Variants in KRTAP13-2 observed in about 807,000 individuals in gnomAD.
The protein encoded by KRTAP13-2 is keratin associated protein 13-2, also known as keratin-associated protein 13-2.
For synonymous variants in KRTAP13-2, 92 were observed against 87.4 expected, an observed-to-expected ratio of 1.05 and a Z score of -0.30; for missense variants, 231 against 212.4, an observed-to-expected ratio of 1.09 and a Z score of -0.55.
Position 30,371,894 on chromosome 21 carries a change from C to G in KRTAP13-2, c.320G>C (p.Cys107Ser). 6.2e-7 allele frequency: 1 copy of G among 1,614,202 alleles called. No homozygotes were observed. The change falls in exon 1 of 1, where the codon TGC becomes TCC. Residue 107 changes from cysteine (C) to serine (S), a missense_variant. By Grantham distance (112) the Cys-to-Ser change is moderately radical. Coordinates refer to ENST00000399889, the MANE Select transcript of KRTAP13-2 (RefSeq NM_181621.4). The part of the protein sequence containing the change: ...SGSLGFGSSS[C>S]RSLGYGSRSC... ...CCTCGATCCATAGCCCAGGGAGCGG[C>G]AGCTGCTGGATCCAAAGCCTAGAGA...
rs200096487 is a variant in KRTAP13-2, at chr21:30,371,960, G to C, written c.254C>G (p.Thr85Ser). ...PCQTSCYRPRTSLLCSPCKTT... is the reference protein window; with the variant it reads ...PCQTSCYRPRSSLLCSPCKTT... Reference sequence around the variant, plus strand: ...CTTGCAAGGACTGCAGAGCAAGGAGGTTCTGGGGCGGTAGCAGGAGGTCTG... The same window carrying C: ...CTTGCAAGGACTGCAGAGCAAGGAGCTTCTGGGGCGGTAGCAGGAGGTCTG... The change falls in exon 1 of 1, where the codon ACC becomes AGC. Residue 85 changes from threonine to serine, a missense_variant. Physicochemically the swap from Thr to Ser is moderately conservative, Grantham distance 58 (BLOSUM62 1). Coordinates refer to ENST00000399889, the MANE Select transcript of KRTAP13-2 (RefSeq NM_181621.4). 2.5e-6 allele frequency: 4 copies of C among 1,614,184 alleles called. No individual in the cohort carries two copies. The Admixed American group carries it at 6.7e-5, about 27-fold the overall frequency.
Position 30,372,145 on chromosome 21 carries a change from T to A in KRTAP13-2, c.69A>T (p.Ala23=). The change falls in exon 1 of 1, where the codon GCA becomes GCT. Residue 23 remains alanine, a synonymous_variant. Coordinates refer to ENST00000399889, the MANE Select transcript of KRTAP13-2 (RefSeq NM_181621.4). ...RSCGDYLRYP[A]SSRGFSYPSN... is the part of the protein sequence containing the mutation. Reference sequence around the variant, plus strand: ...TGGGGTAGGAAAAGCCACGTGAGGATGCTGGGTAGCGCAGGTAGTCACCAC... The same window carrying A: ...TGGGGTAGGAAAAGCCACGTGAGGAAGCTGGGTAGCGCAGGTAGTCACCAC... 6.2e-7 allele frequency: 1 copy of A among 1,614,186 alleles called. No homozygotes were observed. The highest frequency in any genetic ancestry group is 8.5e-7 in the Non-Finnish European group (1 of 1,180,026).
Position 30,371,781 on chromosome 21 carries a change from C to T in KRTAP13-2, c.433G>A (p.Gly145Arg), listed in dbSNP as rs1228452988. Residue 145 changes from glycine to arginine, a missense_variant, in exon 1 of 1, where the codon GGA (glycine) becomes AGA (arginine). By Grantham distance (125) the Gly-to-Arg change is moderately radical (BLOSUM62 -2). Transcript: ENST00000399889. ...CGFPSLGYGS[G>R]FCRPTYLASR... ...GCCAAGTAGGTTGGGCGGCAGAATCCAGATCCATAGCCGAGGGAAGGGAAG... is the reference window on the plus strand; with the variant it reads ...GCCAAGTAGGTTGGGCGGCAGAATCTAGATCCATAGCCGAGGGAAGGGAAG... The T allele has an allele frequency of 6.2e-7, 1 of 1,614,024 alleles. No individual in the cohort carries two copies. The highest frequency in any genetic ancestry group is 1.3e-5 in the African/African-American group (1 of 74,906).
Position 30,371,605 on chromosome 21 carries a change from G to T in KRTAP13-2, c.*81C>A. ...AGGATGAAGAGCTAGTAGTAAGAGG[G>T]GTTAGCTCACATTGCTGGAAATGCC... On this transcript the variant is annotated 3_prime_UTR_variant, in exon 1 of 1. Coordinates refer to ENST00000399889, the MANE Select transcript of KRTAP13-2 (RefSeq NM_181621.4). 7.5e-7 allele frequency: 1 copy of T among 1,325,350 alleles called. No individual in the cohort carries two copies. Among genetic ancestry groups the T allele is most frequent in the Non-Finnish European group, 1.1e-6 (1 of 948,138 alleles). 82.1% of individuals were successfully genotyped at this position (1,325,350 alleles called of 1,614,324 possible). A position where few individuals can be genotyped will look rare whatever the true frequency, so the allele number is the denominator to read the frequency against.
rs560228373 is a variant in KRTAP13-2 at position 30,372,214 on chromosome 21, G to A, written c.-1C>T. 8.1e-6 allele frequency: 13 copies of A among 1,608,774 alleles called. No individual in the cohort carries two copies. Among genetic ancestry groups the A allele is most frequent in the African/African-American group, 2.7e-5 (2 of 74,846 alleles). On this transcript the variant is annotated 5_prime_UTR_variant, in exon 1 of 1. Transcript: ENST00000399889. ...TTCCAGAGCAGCAGTTGTAGGACAT[G>A]TTGACGGGAGATGTGAGTTCAGCTG...
Position 30,372,220 on chromosome 21 carries a change from G to T in KRTAP13-2, c.-7C>A, listed in dbSNP as rs758839936. The T allele has an allele frequency of 6.2e-7, 1 of 1,607,014 alleles. No individual in the cohort carries two copies. Among genetic ancestry groups the T allele is most frequent in the Non-Finnish European group, 8.5e-7 (1 of 1,175,482 alleles). ...AGCAGCAGTTGTAGGACATGTTGAC[G>T]GGAGATGTGAGTTCAGCTGAGTTAT... On this transcript the variant is annotated 5_prime_UTR_variant, in exon 1 of 1. Transcript: ENST00000399889.
Position 30,371,673 on chromosome 21 carries a change from A to G in KRTAP13-2, c.*13T>C, listed in dbSNP as rs753883594. 18 of 1,609,468 alleles carry G rather than the reference A, an allele frequency of 1.1e-5. No individual in the cohort carries two copies. Among genetic ancestry groups the G allele is most frequent in the Non-Finnish European group, 1.4e-5 (17 of 1,177,420 alleles). ...GTAGAGACTGAGACACTTTGCTTAA[A>G]AGGTCTGGAAATTCAGCAAGTTGAT... is the stretch of plus-strand genomic sequence containing the variant. On this transcript the variant is annotated 3_prime_UTR_variant, in exon 1 of 1. Coordinates refer to ENST00000399889, the MANE Select transcript of KRTAP13-2 (RefSeq NM_181621.4).
chr21:30,371,900 C>T lies in KRTAP13-2; in HGVS notation c.314G>A (p.Ser105Asn). Residue 105 changes from serine to asparagine, a missense_variant, in exon 1 of 1, where the codon AGC becomes AAC. Physicochemically the swap from Ser to Asn is conservative, Grantham distance 46 (BLOSUM62 1). Coordinates refer to ENST00000399889, the MANE Select transcript of KRTAP13-2 (RefSeq NM_181621.4). ...TYSGSLGFGS[S>N]SCRSLGYGSR... is the part of the protein sequence containing the mutation. ...TCCATAGCCCAGGGAGCGGCAGCTG[C>T]TGGATCCAAAGCCTAGAGACCCAGA... 2.5e-6 allele frequency: 4 copies of T among 1,614,194 alleles called. No individual in the cohort carries two copies. The highest frequency in any genetic ancestry group is 1.1e-5 in the South Asian group (1 of 91,090).
rs748544791 is a variant in KRTAP13-2 at position 30,371,905 on chromosome 21, T to C, written c.309A>G (p.Gly103=). 1.9e-6 allele frequency: 3 copies of C among 1,613,980 alleles called. No individual in the cohort carries two copies. Among genetic ancestry groups the C allele is most frequent in the Admixed American group, 3.3e-5 (2 of 60,002 alleles). The change falls in exon 1 of 1, where the codon GGA becomes GGG. Residue 103 remains glycine, a synonymous_variant. Coordinates refer to ENST00000399889, the MANE Select transcript of KRTAP13-2 (RefSeq NM_181621.4). Reference sequence around the variant, plus strand: ...AGCCCAGGGAGCGGCAGCTGCTGGATCCAAAGCCTAGAGACCCAGAGTAAG... The same window carrying C: ...AGCCCAGGGAGCGGCAGCTGCTGGACCCAAAGCCTAGAGACCCAGAGTAAG... ...KTTYSGSLGF[G]SSSCRSLGYG... is the part of the protein sequence containing the mutation.
Position 30,371,931 on chromosome 21 carries a change from T to A in KRTAP13-2, c.283A>T (p.Thr95Ser), listed in dbSNP as rs749429817. ...CCAAAGCCTAGAGACCCAGAGTAAG[T>A]CGTCTTGCAAGGACTGCAGAGCAAG... is the stretch of plus-strand genomic sequence containing the variant. ...TSLLCSPCKT[T>S]YSGSLGFGSS... is the part of the protein sequence containing the mutation. The change falls in exon 1 of 1, where the codon ACT becomes TCT. Residue 95 changes from threonine to serine, a missense_variant. Thr to Ser is a moderately conservative substitution (Grantham distance 58). Coordinates refer to ENST00000399889, the MANE Select transcript of KRTAP13-2 (RefSeq NM_181621.4). 6.2e-7 allele frequency: 1 copy of A among 1,614,148 alleles called. No homozygotes were observed. Among genetic ancestry groups the A allele is most frequent in the Non-Finnish European group, 8.5e-7 (1 of 1,180,016 alleles).
Position 30,372,195 on chromosome 21 carries a change from A to G in KRTAP13-2, c.19T>C (p.Ser7Pro). 2 of 1,613,478 alleles carry G rather than the reference A, an allele frequency of 1.2e-6. No individual in the cohort carries two copies. Among genetic ancestry groups the G allele is most frequent in the East Asian group, 2.2e-5 (1 of 44,870 alleles). The change falls in exon 1 of 1, where the codon TCT becomes CCT. Residue 7 changes from serine to proline, a missense_variant. By Grantham distance (74) the Ser-to-Pro change is moderately conservative (BLOSUM62 -1). Coordinates refer to ENST00000399889, the MANE Select transcript of KRTAP13-2 (RefSeq NM_181621.4). MSYNCCSGNFSSRSCGD... is the reference protein window; with the variant it reads MSYNCCPGNFSSRSCGD... Reference sequence around the variant, plus strand: ...CAGGAGCGGGAGGAGAAGTTTCCAGAGCAGCAGTTGTAGGACATGTTGACG... The same window carrying G: ...CAGGAGCGGGAGGAGAAGTTTCCAGGGCAGCAGTTGTAGGACATGTTGACG...
chr21:30,371,562 G>T lies in KRTAP13-2; in HGVS notation c.*124C>A. 2 of 939,208 alleles carry T rather than the reference G, an allele frequency of 2.1e-6. No individual in the cohort carries two copies. Among genetic ancestry groups the T allele is most frequent in the Non-Finnish European group, 3.2e-6 (2 of 618,604 alleles). 58.2% of individuals were successfully genotyped at this position (939,208 alleles called of 1,614,324 possible). A position where few individuals can be genotyped will look rare whatever the true frequency, so the allele number is the denominator to read the frequency against. On this transcript the variant is annotated 3_prime_UTR_variant, in exon 1 of 1. Transcript: ENST00000399889. ...CTGAAAGAACTAGCCTGTCCAGCCAGTACTTGATGCCAGAGAAAGGATGAA... is the reference window on the plus strand; with the variant it reads ...CTGAAAGAACTAGCCTGTCCAGCCATTACTTGATGCCAGAGAAAGGATGAA...
rs771070648 is a variant in KRTAP13-2 at position 30,372,004 on chromosome 21, A to G, written c.210T>C (p.Tyr70=). ...AGGTCTGGCAGGGGCTGGACTCCAC[A>G]TAGGACGTCTGGCAGCTGGTGGGCT... ...CWEPTSCQTS[Y]VESSPCQTSC... is the part of the protein sequence containing the mutation. Residue 70 remains tyrosine (Y), a synonymous_variant, in exon 1 of 1, where the codon TAT becomes TAC. Coordinates refer to ENST00000399889, the MANE Select transcript of KRTAP13-2 (RefSeq NM_181621.4). The G allele has an allele frequency of 3.7e-6, 6 of 1,613,986 alleles. No individual in the cohort carries two copies. Among genetic ancestry groups the G allele is most frequent in the East Asian group, 4.5e-5 (2 of 44,868 alleles).
chr21:30,372,008 G>T lies in KRTAP13-2; in HGVS notation c.206C>A (p.Ser69Tyr). The change falls in exon 1 of 1, where the codon TCC becomes TAC. Residue 69 changes from serine (S) to tyrosine (Y), a missense_variant. By Grantham distance (144) the Ser-to-Tyr change is moderately radical. Transcript: ENST00000399889. Reference protein sequence around the residue: ...ICWEPTSCQTSYVESSPCQTS... With the variant: ...ICWEPTSCQTYYVESSPCQTS... ...CTGGCAGGGGCTGGACTCCACATAGGACGTCTGGCAGCTGGTGGGCTCCCA... is the reference window on the plus strand; with the variant it reads ...CTGGCAGGGGCTGGACTCCACATAGTACGTCTGGCAGCTGGTGGGCTCCCA... 6.2e-7 allele frequency: 1 copy of T among 1,614,048 alleles called. No homozygotes were observed. The highest frequency in any genetic ancestry group is 8.5e-7 in the Non-Finnish European group (1 of 1,179,926).
At position 30,371,632 on chromosome 21, in the gene KRTAP13-2, A is replaced by G. The variant is rs1568832104; in HGVS notation, c.*54T>C. 2.0e-6 allele frequency: 3 copies of G among 1,535,672 alleles called. No individual in the cohort carries two copies. The highest frequency in any genetic ancestry group is 2.6e-6 in the Non-Finnish European group (3 of 1,132,152). ...TTAGCTCACATTGCTGGAAATGCCT[A>G]TGATAACAGCTCTACGTAGAGACTG... is the stretch of plus-strand genomic sequence containing the variant. On this transcript the variant is annotated 3_prime_UTR_variant, in exon 1 of 1. Coordinates refer to ENST00000399889, the MANE Select transcript of KRTAP13-2 (RefSeq NM_181621.4).
In KRTAP13-2 at chr21:30,371,996, G is replaced by T; in HGVS notation, c.218C>A (p.Ser73Tyr). Residue 73 changes from serine to tyrosine, a missense_variant, in exon 1 of 1, where the codon TCC becomes TAC. By Grantham distance (144) the Ser-to-Tyr change is moderately radical (BLOSUM62 -2). Transcript: ENST00000399889. The stretch of plus-strand genomic sequence containing the variant: ...GTAGCAGGAGGTCTGGCAGGGGCTG[G>T]ACTCCACATAGGACGTCTGGCAGCT... ...PTSCQTSYVE[S>Y]SPCQTSCYRP... The T allele has an allele frequency of 6.2e-7, 1 of 1,614,054 alleles. No individual in the cohort carries two copies.
Position 30,371,611 on chromosome 21 carries a change from C to A in KRTAP13-2, c.*75G>T. On this transcript the variant is annotated 3_prime_UTR_variant, in exon 1 of 1. Transcript: ENST00000399889. Reference sequence around the variant, plus strand: ...AAGAGCTAGTAGTAAGAGGGGTTAGCTCACATTGCTGGAAATGCCTATGAT... The same window carrying A: ...AAGAGCTAGTAGTAAGAGGGGTTAGATCACATTGCTGGAAATGCCTATGAT... 7.1e-7 allele frequency: 1 copy of A among 1,418,056 alleles called. No individual in the cohort carries two copies. The allele number at this position is 1,418,056 out of a possible 1,614,324, so 87.8% of individuals were successfully genotyped here.
rs1460584945 is a variant in KRTAP13-2, at chr21:30,372,069, C to T, written c.145G>A (p.Gly49Ser). ...TGACAGCCCCTATAGAGAGAGGAAC[C>T]CAGCTGGCAGGTGCTGGGAGAGCAG... ...DLCSPSTCQLGSSLYRGCQEI... is the reference protein window; with the variant it reads ...DLCSPSTCQLSSSLYRGCQEI... The change falls in exon 1 of 1, where the codon GGT (glycine) becomes AGT (serine). Residue 49 changes from glycine to serine, a missense_variant. Gly to Ser is a moderately conservative substitution (Grantham distance 56). Coordinates refer to ENST00000399889, the MANE Select transcript of KRTAP13-2 (RefSeq NM_181621.4). 1.9e-6 allele frequency: 3 copies of T among 1,614,126 alleles called. No homozygotes were observed. In the South Asian group the frequency reaches 3.3e-5, roughly 18 times the overall value.
rs775849651 is a variant in KRTAP13-2, at chr21:30,371,735, G to C, written c.479C>G (p.Pro160Arg). ...TYLASRSCQS[P>R]CYRPAYGSTF... ...TGATCCATAGGCTGGTCTGTAACAA[G>C]GAGACTGGCAGCTCCTAGAAGCCAA... Residue 160 changes from proline (P) to arginine (R), a missense_variant, in exon 1 of 1, where the codon CCT becomes CGT. Physicochemically the swap from Pro to Arg is moderately radical, Grantham distance 103. Transcript: ENST00000399889. 1.3e-5 allele frequency: 21 copies of C among 1,614,166 alleles called. No homozygotes were observed. The highest frequency in any genetic ancestry group is 1.7e-5 in the Non-Finnish European group (20 of 1,180,014).
Sources: allele counts gnomAD v4.1 joint callset, GRCh38; gene constraint gnomAD v4.1.1; transcripts MANE v1.5; gene names NCBI Gene and HGNC (gene_info 2026-07-23, HGNC 2026-07-21).